The following NSD1 variants were observed in gnomAD, a reference collection of about 807,000 sequenced individuals.
NSD1 encodes nuclear receptor binding SET domain protein 1, also known as histone-lysine N-methyltransferase, H3 lysine-36 specific.
In NSD1, 26 loss-of-function variants were observed where a neutral mutation model predicts 242.7. The ratio of observed to expected loss-of-function variants is 0.11; its 90% CI spans 0.08 to 0.15. The LOEUF (loss-of-function observed/expected upper bound fraction) is 0.15, where lower values mean the gene tolerates loss of function less well. NSD1 is among the 10% of genes least tolerant of loss of function. The pLI is 1.00. For missense variants in NSD1, 2,495 were observed against 3,272.8 expected (o/e 0.76, Z 5.80); for synonymous variants, 1,106 against 1,178.1 (o/e 0.94, Z 1.25).
intron 2 of NSD1, among the ~76,000 whole-genome samples, chr5:177,166,478 G>C (rs200893127): frequency 1.3e-5 from 2 of 151,968 alleles, no homozygotes; most frequent in East Asian, 3.9e-4. Flanking sequence ...AATTGGACTG[G>C]AGGCTGCAGT....
chr5:177,267,695 C>T lies in NSD1; in HGVS notation c.5280C>T (p.Val1760=), dbSNP rs780909089. 8.7e-6 allele frequency: 14 copies of T among 1,613,930 alleles called. No homozygotes were observed. In the East Asian group the frequency reaches 3.1e-4, roughly 36 times the overall value. ...AGKKPHYREI[V]WVKVGRYRWW... is the part of the protein sequence containing the mutation. ...AAAAGCCACACTACAGGGAGATTGT[C>T]TGGGTAAAAGTTGGACGATACAGGT... is the stretch of plus-strand genomic sequence containing the variant. Residue 1760 remains valine (V), a synonymous_variant, in exon 15 of 23, where the codon GTC becomes GTT. Transcript: ENST00000439151.
intron 2 of NSD1, among the ~76,000 whole-genome samples, chr5:177,159,997 C>G (rs1040702673): frequency 8.5e-5 from 13 of 152,112 alleles, no homozygotes; most frequent in Middle Eastern, 3.2e-3. Flanking sequence ...TCAAGCGATT[C>G]TCCTGCTTCA....
At chr5:177,264,028 ATT>A (rs61538775) in intron 14 of NSD1, among the ~76,000 whole-genome samples, 1,164 of 76,254 alleles carry the variant, frequency 0.015, 16 homozygotes, top group African/African-American at 0.044. Flanking sequence ...CAATGAACCA[ATT>A]TTTTTTTTTT....
intron 10 of NSD1, among the ~76,000 whole-genome samples, chr5:177,247,528 A>G (rs1218076885): frequency 6.6e-6 from 1 of 151,370 alleles, no homozygotes; most frequent in East Asian, 1.9e-4. Context: ...GGATTTCGAG[A>G]CCAACCTGTG....
At chr5:177,140,622 A>G (rs1234388742) in intron 2 of NSD1, among the ~76,000 whole-genome samples, 1 of 152,042 alleles carries the variant, frequency 6.6e-6, no homozygotes, top group African/African-American at 2.4e-5. Context: ...ATTAGCTGTG[A>G]TTGTGCCTGT....
rs1455759981 is a variant in NSD1, at chr5:177,234,515, G to A, written c.3797-1306G>A. Among the ~76,000 whole-genome samples, 11 of 152,258 alleles carry A rather than the reference G, an allele frequency of 7.2e-5. No individual in the cohort carries two copies. In the South Asian group the frequency reaches 1.5e-3, roughly 20 times the overall value. On this transcript the variant is annotated intron_variant, in intron 5 of 22. Transcript: ENST00000439151. ...GCAGATCACTTGAGGTCAGGAGTTC[G>A]AGAACAGCCTGGCCAACCCGGTGAA...
chr5:177,222,232 G>A (rs1009395558), intron 5 of NSD1, among the ~76,000 whole-genome samples: 3 of 152,112 alleles, frequency 2.0e-5, no homozygotes, highest in Middle Eastern at 3.2e-3. Context: ...AGGTACAAGC[G>A]ATTCTCATGT....
chr5:177,241,191 A>G (rs970898478), intron 8 of NSD1, among the ~76,000 whole-genome samples: 2 of 151,982 alleles, frequency 1.3e-5, no homozygotes, highest in African/African-American at 4.8e-5. Flanking sequence ...TTTCAGCACC[A>G]TTTACCAAAA....
At position 177,238,609 on chromosome 5, in the gene NSD1, A is replaced by ATGT; in HGVS notation, c.4192+103_4192+104insGTT. ...AAAGCCAACATTGTATCTATATACA[A>ATGT]TAAACTACCCCCTTTTGTCCTGGGA... On this transcript the variant is annotated intron_variant, in intron 7 of 22. Transcript: ENST00000439151. The surrounding 1 kb of genome is among the most constrained non-coding windows in gnomAD (Gnocchi z 4.6). 2.3e-6 allele frequency: 3 copies of ATGT among 1,299,520 alleles called. No individual in the cohort carries two copies. Among genetic ancestry groups the ATGT allele is most frequent in the Non-Finnish European group, 2.2e-6 (2 of 909,514 alleles). 80.5% of individuals were successfully genotyped at this position (1,299,520 alleles called of 1,614,324 possible).
At chr5:177,268,536 A>G (rs990467632) in intron 15 of NSD1, among the ~76,000 whole-genome samples, 2 of 152,184 alleles carry the variant, frequency 1.3e-5, no homozygotes, top group African/African-American at 2.4e-5. Flanking sequence ...TGTAACATGC[A>G]TGACTTTAAA....
rs1302241196 is a variant in NSD1 at position 177,162,012 on chromosome 5, T to C, written c.927+25982T>C. Among the ~76,000 whole-genome samples, 34 of 151,992 alleles carry C rather than the reference T, an allele frequency of 2.2e-4. 1 individual carries two copies. Among genetic ancestry groups the C allele is most frequent in the Admixed American group, 2.2e-3 (34 of 15,222 alleles). The stretch of plus-strand genomic sequence containing the variant: ...GGGAAAAAGCACAGATTGAATCTAA[T>C]TGAGGCCGGGCGCTGTGGCTCACTC... On this transcript the variant is annotated intron_variant, in intron 2 of 22. Transcript: ENST00000439151.
intron 14 of NSD1, chr5:177,266,146 G>T: frequency 9.1e-7 from 1 of 1,100,070 alleles, no homozygotes; most frequent in Non-Finnish European, 1.4e-6. Context: ...CCAGCCACTT[G>T]TCCGGGCATA....
chr5:177,132,428 C>T (rs958937463), upstream of NSD1, among the ~76,000 whole-genome samples: 3 of 151,766 alleles, frequency 2.0e-5, no homozygotes, highest in African/African-American at 7.2e-5. This position sits in a 1 kb window ranked among gnomAD's most constrained non-coding sequence, Gnocchi z 7.5. Context: ...CCCGAGCCCC[C>T]GTGCCAGGCC....
intron 2 of NSD1, among the ~76,000 whole-genome samples, chr5:177,168,861 C>CA (rs973058705): frequency 1.4e-4 from 22 of 151,992 alleles, no homozygotes; most frequent in Admixed American, 6.6e-5. Context: ...GTTTTTCCTG[C>CA]AAAAAAGTAG....
chr5:177,178,344 A>G (rs941583057), intron 2 of NSD1, among the ~76,000 whole-genome samples: 3 of 152,098 alleles, frequency 2.0e-5, no homozygotes, highest in Non-Finnish European at 4.4e-5. Context: ...CTCCTGCCTC[A>G]GCCTCCTGAG....
At chr5:177,251,484 G>A (rs1755957634) in intron 11 of NSD1, among the ~76,000 whole-genome samples, 1 of 152,084 alleles carries the variant, frequency 6.6e-6, no homozygotes, top group South Asian at 2.1e-4. Context: ...TCTTGAACTC[G>A]TTTTCCATGT....
intron 14 of NSD1, chr5:177,264,827 A>C: frequency 1.3e-6 from 1 of 755,376 alleles, no homozygotes; most frequent in Non-Finnish European, 2.4e-6. Context: ...CCTTTTAGAA[A>C]ACATGGAGTT....
At chr5:177,140,107 T>C (rs1360063681) in intron 2 of NSD1, among the ~76,000 whole-genome samples, 1 of 152,226 alleles carries the variant, frequency 6.6e-6, no homozygotes, top group Non-Finnish European at 1.5e-5. Context: ...TAGTAGCCTC[T>C]TCAGTTTACC....
At chr5:177,266,547 GGACACC>G in intron 14 of NSD1, 1 of 686,390 alleles carries the variant, frequency 1.5e-6, no homozygotes, top group Admixed American at 2.5e-5. Flanking sequence ...CCTGGCCACA[GGACACC>G]TCCATGATGC....
Sources: gnomAD v4.1 joint callset for allele counts (sites outside exome capture counted in the v4.1 genomes callset) on GRCh38, gnomAD v4.1.1 for gene constraint, Gnocchi (gnomAD v3.1) non-coding constraint, MANE v1.5 for transcripts, NCBI Gene and HGNC (gene_info 2026-07-23, HGNC 2026-07-21) for gene names.